CSMD1: variants seen among roughly 807,000 people sequenced by gnomAD.
The protein encoded by CSMD1 is CUB and Sushi multiple domains 1.
A neutral mutation model predicts 417.5 loss-of-function variants in CSMD1; 213 were observed. The observed-to-expected ratio is 0.51, with a 90% CI of 0.46 to 0.57. The LOEUF (loss-of-function observed/expected upper bound fraction) is 0.57, where lower values mean the gene tolerates loss of function less well. CSMD1 is among the 20% of genes least tolerant of loss of function. The pLI, the probability that CSMD1 is intolerant of heterozygous loss-of-function variation, is 0.00. For synonymous variants in CSMD1, 2,862 were observed against 1,736.8 expected, an observed-to-expected ratio of 1.65 and a Z score of -16.11; for missense variants, 6,923 against 4,529.7, an observed-to-expected ratio of 1.53 and a Z score of -15.17.
At chr8:4,056,209 G>A (rs887579456) in intron 3 of CSMD1, among the ~76,000 whole-genome samples, 10 of 149,614 alleles carry the variant, frequency 6.7e-5, no homozygotes, top group Non-Finnish European at 1.3e-4. Context: ...AGCCTCCCGA[G>A]TAGCTGGGAT....
chr8:4,102,098 T>C (rs1801334650), intron 3 of CSMD1, among the ~76,000 whole-genome samples: 1 of 152,176 alleles, frequency 6.6e-6, no homozygotes, highest in South Asian at 2.1e-4. Context: ...TCTGAAGTAA[T>C]GCTCATTGAA....
At chr8:3,197,306 A>C (rs568265968) in intron 33 of CSMD1, among the ~76,000 whole-genome samples, 72 of 152,280 alleles carry the variant, frequency 4.7e-4, no homozygotes, top group African/African-American at 1.7e-3. Context: ...TCTTTATAAC[A>C]GAACTGTGTC....
rs1214504283 is a variant in CSMD1, at chr8:3,507,857, G to GT, written c.1345-14132dup. 2.0e-5 allele frequency among the ~76,000 whole-genome samples: 3 copies of GT among 151,782 alleles called. No individual in the cohort carries two copies. The East Asian group carries it at 5.8e-4, about 30-fold the overall frequency. ...TGCCCACTTTTTGATGGGGTTGTTTGTTTTTTTTCTTGCAAATTTGTTTGA... is the reference window on the plus strand; with the variant it reads ...TGCCCACTTTTTGATGGGGTTGTTTGTTTTTTTTTCTTGCAAATTTGTTTGA... On this transcript the variant is annotated intron_variant, in intron 10 of 69. Coordinates refer to ENST00000635120, the MANE Select transcript of CSMD1 (RefSeq NM_033225.6).
chr8:4,169,149 A>C (rs760482091), intron 3 of CSMD1, among the ~76,000 whole-genome samples: 1 of 152,146 alleles, frequency 6.6e-6, no homozygotes, highest in Non-Finnish European at 1.5e-5. Context: ...TGCCCAGCTT[A>C]ATGGTGTAAA....
chr8:4,712,690 A>C (rs1563197912), intron 1 of CSMD1, among the ~76,000 whole-genome samples: 1 of 152,320 alleles, frequency 6.6e-6, no homozygotes, highest in East Asian at 1.9e-4. Flanking sequence ...AATAGATAAT[A>C]ATAGTGACGG....
chr8:3,998,280 G>T (rs552388303), intron 4 of CSMD1, among the ~76,000 whole-genome samples, 170 bp from the exon 5 acceptor site: 1 of 152,128 alleles, frequency 6.6e-6, no homozygotes, highest in East Asian at 1.9e-4. Flanking sequence ...CTATGAAAAG[G>T]CTTACAAGAC....
At chr8:3,028,388 A>T (rs544349723) in intron 51 of CSMD1, among the ~76,000 whole-genome samples, 2 of 152,140 alleles carry the variant, frequency 1.3e-5, no homozygotes, top group African/African-American at 4.8e-5. Context: ...AAACTCAGTG[A>T]CCAGGTCATT....
At chr8:4,254,403 C>T (rs183234229) in intron 3 of CSMD1, among the ~76,000 whole-genome samples, 37 of 152,274 alleles carry the variant, frequency 2.4e-4, no homozygotes, top group Middle Eastern at 3.4e-3. Flanking sequence ...ACAACGAATG[C>T]CACATTCAGC....
intron 49 of CSMD1, among the ~76,000 whole-genome samples, chr8:3,064,246 C>T (rs1282022947): frequency 2.6e-5 from 4 of 152,180 alleles, no homozygotes; most frequent in African/African-American, 4.8e-5. Context: ...TGTGTACCTG[C>T]CCAAATCTCA....
chr8:3,754,242 G>C (rs1232819939), intron 5 of CSMD1, among the ~76,000 whole-genome samples, 200 bp from the exon 6 acceptor site: 2 of 152,054 alleles, frequency 1.3e-5, no homozygotes, highest in African/African-American at 2.4e-5. Context: ...TAAATCCCTA[G>C]ATGGAATGAA....
At chr8:4,095,925 A>C (rs1487356734) in intron 3 of CSMD1, among the ~76,000 whole-genome samples, 2 of 152,198 alleles carry the variant, frequency 1.3e-5, no homozygotes, top group Admixed American at 6.5e-5. Flanking sequence ...CAGTTATTTA[A>C]ATGTATCATT....
intron 2 of CSMD1, among the ~76,000 whole-genome samples, chr8:4,536,081 C>G (rs1352858413): frequency 2.0e-5 from 3 of 152,152 alleles, no homozygotes; most frequent in East Asian, 1.9e-4. Context: ...GCGTGCCCCA[C>G]TAAGTCAGTA....
Position 4,786,451 on chromosome 8 carries a change from T to C in CSMD1, c.86-148893A>G, listed in dbSNP as rs1328850282. On this transcript the variant is annotated intron_variant, in intron 1 of 69. Transcript: ENST00000635120. ...CATCTCCAGCATTCATCATGTATCTTGCTGATTCTCTGTTGAACACCACAG... is the reference window on the plus strand; with the variant it reads ...CATCTCCAGCATTCATCATGTATCTCGCTGATTCTCTGTTGAACACCACAG... 3.3e-5 allele frequency among the ~76,000 whole-genome samples: 5 copies of C among 152,238 alleles called. No individual in the cohort carries two copies. In the South Asian group the frequency reaches 8.3e-4, roughly 25 times the overall value.
intron 5 of CSMD1, among the ~76,000 whole-genome samples, chr8:3,964,456 G>T (rs1812540275): frequency 6.6e-6 from 1 of 152,090 alleles, no homozygotes; most frequent in Non-Finnish European, 1.5e-5. Context: ...GGAGACACAG[G>T]TGCTGGTATG....
intron 26 of CSMD1, among the ~76,000 whole-genome samples, chr8:3,277,015 A>C (rs1460116888): frequency 2.6e-5 from 4 of 152,096 alleles, no homozygotes; most frequent in Non-Finnish European, 2.9e-5. Flanking sequence ...TCGCTAAAGA[A>C]ACCTTTGAAT....
intron 18 of CSMD1, among the ~76,000 whole-genome samples, chr8:3,374,127 T>A (rs988936994): frequency 1.3e-5 from 2 of 152,000 alleles, no homozygotes; most frequent in African/African-American, 4.8e-5. Context: ...TAATTTTTTG[T>A]ATTTTTAGTA....
intron 2 of CSMD1, among the ~76,000 whole-genome samples, chr8:4,446,759 G>GTGTGTGTGTGTGTGTGTGTC (rs1798829599): frequency 1.1e-4 from 5 of 47,080 alleles, no homozygotes; most frequent in African/African-American, 4.1e-4. Flanking sequence ...GTGTGTCTGT[G>GTGTGTGTGTGTGTGTGTGTC]TGTGTGTGTG....
At chr8:3,846,808 G>T (rs922146000) in intron 5 of CSMD1, among the ~76,000 whole-genome samples, 2 of 151,968 alleles carry the variant, frequency 1.3e-5, no homozygotes, top group South Asian at 2.1e-4. Flanking sequence ...CAAGTAGCTG[G>T]GATTACAGGT....
intron 12 of CSMD1, among the ~76,000 whole-genome samples, chr8:3,443,697 T>C (rs1251813299): frequency 5.9e-5 from 9 of 152,174 alleles, no homozygotes; most frequent in Non-Finnish European, 2.9e-5. Flanking sequence ...TTTAAAGCAA[T>C]CTAAAATGTT....
Sources: allele counts gnomAD v4.1 joint callset (sites outside exome capture counted in the v4.1 genomes callset), GRCh38; gene constraint gnomAD v4.1.1; transcripts MANE v1.5; gene names NCBI Gene and HGNC (gene_info 2026-07-23, HGNC 2026-07-21).